Variants in AMOT observed in about 807,000 individuals in gnomAD.
AMOT encodes angiomotin.
In AMOT, 11 loss-of-function variants were observed where a neutral mutation model predicts 67.0. That is an observed-to-expected ratio of 0.16 (90% CI 0.10 to 0.27). AMOT has a LOEUF of 0.27. Among genes scored for constraint, AMOT ranks in the 10% least tolerant of loss-of-function variants. AMOT has a pLI of 1.00. For synonymous variants in AMOT, 326 were observed against 321.4 expected (o/e 1.01, Z -0.15); for missense variants, 753 against 852.0 (o/e 0.88, Z 1.45).
At chrX:112,827,364 G>A (rs915615124) in intron 2 of AMOT, among the ~76,000 whole-genome samples, 1 of 112,034 alleles carries the variant, frequency 8.9e-6, no homozygotes, top group African/African-American at 3.2e-5. Flanking sequence ...ACATAATGAG[G>A]AAAACACTAC....
intron 8 of AMOT, among the ~76,000 whole-genome samples, chrX:112,795,105 T>C (rs1026135351): frequency 5.4e-5 from 6 of 111,744 alleles, no homozygotes; most frequent in African/African-American, 2.0e-4. Flanking sequence ...AATGACATGA[T>C]TTGCAAGGTA....
At chrX:112,829,063 C>T (rs187700668) in intron 2 of AMOT, among the ~76,000 whole-genome samples, 203 of 111,985 alleles carry the variant, frequency 1.8e-3, no homozygotes, top group Admixed American at 2.6e-3. Flanking sequence ...TTTCCAGGCC[C>T]CCTGTTCCAG....
chrX:112,787,231 C>G (rs754785161), intron 10 of AMOT, among the ~76,000 whole-genome samples: 2 of 111,299 alleles, frequency 1.8e-5, no homozygotes, highest in East Asian at 5.7e-4. Context: ...AGACACTTGC[C>G]TGTTCTTATA....
At chrX:112,789,709 T>C (rs1933503083) in intron 10 of AMOT, among the ~76,000 whole-genome samples, 1 of 110,700 alleles carries the variant, frequency 9.0e-6, no homozygotes, top group South Asian at 4.0e-4. Flanking sequence ...AACAACACTG[T>C]GGTTTTTAAT....
intron 2 of AMOT, among the ~76,000 whole-genome samples, chrX:112,830,463 T>C (rs1269578451): frequency 1.8e-5 from 2 of 112,726 alleles, no homozygotes; most frequent in African/African-American, 3.2e-5. Context: ...TTGTAGATTG[T>C]TTCTTCATGA....
chrX:112,814,146 C>T (rs1460508390), intron 5 of AMOT, among the ~76,000 whole-genome samples: 3 of 110,795 alleles, frequency 2.7e-5, no homozygotes, highest in East Asian at 2.9e-4. Context: ...GTGACACATG[C>T]CTGTAATCCC....
At chrX:112,779,873 G>A (rs1250950106) in intron 12 of AMOT, among the ~76,000 whole-genome samples, 193 bp from the exon 13 acceptor site, 1 of 108,508 alleles carries the variant, frequency 9.2e-6, no homozygotes, top group African/African-American at 3.4e-5. Context: ...ATTTATTTTT[G>A]CCTCCAGGGA....
rs960254448 is a variant in AMOT at position 112,822,427 on chromosome X, C to T, written c.700G>A (p.Glu234Lys). ...LPNQHSLKGM[E>K]HRGPPPEYPF... The stretch of plus-strand genomic sequence containing the variant: ...TATTCTGGTGGGGGGCCTCGGTGTT[C>T]CATGCCCTTCAGGCTATGCTGGTTA... Residue 234 changes from glutamate to lysine, a missense_variant, in exon 4 of 14, where the codon GAA becomes AAA. By Grantham distance (56) the Glu-to-Lys change is moderately conservative. Transcript: ENST00000371959. 7.7e-6 allele frequency: 9 copies of T among 1,166,043 alleles called. No individual in the cohort carries two copies. In the Admixed American group the frequency reaches 7.8e-5, roughly 10 times the overall value.
At chrX:112,833,064 T>A (rs1935034497) in intron 1 of AMOT, among the ~76,000 whole-genome samples, 1 of 111,615 alleles carries the variant, frequency 9.0e-6, no homozygotes, top group South Asian at 3.8e-4. Context: ...ACAAATCATA[T>A]AACCCAGCTA....
chrX:112,812,974 A>G (rs1299805926), intron 5 of AMOT, among the ~76,000 whole-genome samples: 1 of 112,961 alleles, frequency 8.9e-6, no homozygotes, highest in Non-Finnish European at 1.9e-5. Context: ...GGTGAATGGC[A>G]TTTAGAGACA....
intron 2 of AMOT, among the ~76,000 whole-genome samples, chrX:112,827,897 G>A (rs1300478042): frequency 2.7e-5 from 3 of 111,512 alleles, no homozygotes; most frequent in Non-Finnish European, 5.7e-5. Flanking sequence ...CTACCAACCA[G>A]GATAAAGAAT....
chrX:112,806,350 G>A (rs1934185674), intron 7 of AMOT, among the ~76,000 whole-genome samples: 1 of 98,624 alleles, frequency 1.0e-5, no homozygotes, highest in Admixed American at 1.1e-4. Flanking sequence ...ATATACATAT[G>A]TATAAAACGT....
chrX:112,807,553 A>G lies in AMOT; in HGVS notation c.1630+2341T>C, dbSNP rs755378922. Among the ~76,000 whole-genome samples, 5 of 111,007 alleles carry G rather than the reference A, an allele frequency of 4.5e-5. No homozygotes were observed. The South Asian group carries it at 2.0e-3, about 44-fold the overall frequency. ...CATATGCTAACGGCTCTAATAAAAA[A>G]AGTAGACAGCATGCAAGATCAGATC... On this transcript the variant is annotated intron_variant, in intron 7 of 13. Coordinates refer to ENST00000371959, the MANE Select transcript of AMOT (RefSeq NM_001113490.2).
At chrX:112,795,112 G>C (rs1218177575) in intron 8 of AMOT, among the ~76,000 whole-genome samples, 1 of 111,445 alleles carries the variant, frequency 9.0e-6, no homozygotes, top group Non-Finnish European at 1.9e-5. Context: ...TGATTTGCAA[G>C]GTACCTCTGC....
At chrX:112,805,629 T>C (rs936648228) in intron 7 of AMOT, among the ~76,000 whole-genome samples, 1 of 111,912 alleles carries the variant, frequency 8.9e-6, no homozygotes, top group Non-Finnish European at 1.9e-5. Context: ...TGAGATCAAG[T>C]CTACTCGACA....
At chrX:112,828,984 T>G (rs1412130866) in intron 2 of AMOT, among the ~76,000 whole-genome samples, 1 of 112,229 alleles carries the variant, frequency 8.9e-6, no homozygotes, top group Non-Finnish European at 1.9e-5. Context: ...AGAAAGGCTT[T>G]GCAAATTCGC....
At chrX:112,837,078 G>T (rs1364692213) in intron 1 of AMOT, among the ~76,000 whole-genome samples, 1 of 111,298 alleles carries the variant, frequency 9.0e-6, no homozygotes, top group Non-Finnish European at 1.9e-5. Context: ...ACAGTAGCTG[G>T]AAATAAAACA....
chrX:112,794,801 G>A (rs1220540164), intron 8 of AMOT, among the ~76,000 whole-genome samples: 1 of 111,762 alleles, frequency 8.9e-6, no homozygotes, highest in African/African-American at 3.3e-5. Context: ...TACTCCAGGT[G>A]GTTTGTTCTT....
chrX:112,803,914 T>G (rs1934090053), intron 8 of AMOT, among the ~76,000 whole-genome samples: 1 of 112,115 alleles, frequency 8.9e-6, no homozygotes, highest in Non-Finnish European at 1.9e-5. Flanking sequence ...CAGAAGTCTG[T>G]GAGATATGAA....
Sources: allele counts gnomAD v4.1 joint callset (sites outside exome capture counted in the v4.1 genomes callset), GRCh38; gene constraint gnomAD v4.1.1; transcripts MANE v1.5; gene names NCBI Gene and HGNC (gene_info 2026-07-23, HGNC 2026-07-21).